ELP4: variants seen among roughly 807,000 people sequenced by gnomAD.
ELP4 encodes the protein elongator acetyltransferase complex subunit 4.
Under a neutral mutation model 48.9 loss-of-function variants are expected in ELP4, and 51 were observed. The ratio of observed to expected loss-of-function variants is 1.04; its 90% CI spans 0.83 to 1.32. ELP4 has a LOEUF of 1.32. ELP4 is among the 40% of genes most tolerant of loss of function. The pLI, the probability that ELP4 is intolerant of heterozygous loss-of-function variation, is 0.00. For synonymous variants in ELP4, 210 were observed against 189.2 expected, an observed-to-expected ratio of 1.11 and a Z score of -0.90; for missense variants, 519 against 514.6, an observed-to-expected ratio of 1.01 and a Z score of -0.08.
intron 3 of ELP4, among the ~76,000 whole-genome samples, chr11:31,566,330 C>G (rs750767216): frequency 6.6e-6 from 1 of 151,942 alleles, no homozygotes; most frequent in Non-Finnish European, 1.5e-5. Context: ...TGCACTCTAT[C>G]CTGGGCGTCA....
At position 31,666,670 on chromosome 11, in the gene ELP4, C is replaced by T. The variant is rs193269992; in HGVS notation, c.1143+16449C>T. ...TTGCGCCACTGCACTCCAGCCTGGA[C>T]GACAGAGTGAGATTCTGTCTCAAAA... On this transcript the variant is annotated intron_variant, in intron 9 of 9. Coordinates refer to ENST00000640961, the MANE Select transcript of ELP4 (RefSeq NM_019040.5). Among the ~76,000 whole-genome samples the T allele has an allele frequency of 8.9e-5, 12 of 134,386 alleles. No individual in the cohort carries two copies. The East Asian group carries it at 1.5e-3, about 17-fold the overall frequency. The allele number at this position is 134,386 out of a possible 152,430, so 88.2% of individuals were successfully genotyped here. A position where few individuals can be genotyped will look rare whatever the true frequency, so the allele number is the denominator to read the frequency against.
chr11:31,560,681 C>CACATTGTTTTATATATATATAAAACA lies in ELP4; in HGVS notation c.381+20901_381+20926dup, dbSNP rs1376715175. On this transcript the variant is annotated intron_variant, in intron 3 of 9. Coordinates refer to ENST00000640961, the MANE Select transcript of ELP4 (RefSeq NM_019040.5). ...TTTAATTATTTTCTATTATAAAGAC[C>CACATTGTTTTATATATATATAAAACA]ACATTGTTTTATATATATATAAAAC... is the stretch of plus-strand genomic sequence containing the variant. Among the ~76,000 whole-genome samples the CACATTGTTTTATATATATATAAAACA allele has an allele frequency of 1.2e-3, 71 of 58,590 alleles. 1 individual carries two copies. The highest frequency in any genetic ancestry group is 3.7e-3 in the African/African-American group (65 of 17,556). The allele number at this position is 58,590 out of a possible 152,430, so 38.4% of individuals were successfully genotyped here.
At chr11:31,677,567 A>G (rs1264713900) in intron 9 of ELP4, among the ~76,000 whole-genome samples, 1 of 152,212 alleles carries the variant, frequency 6.6e-6, no homozygotes, top group Admixed American at 6.5e-5. Flanking sequence ...TTTAGAAAAT[A>G]CTCCAAGTTT....
At chr11:31,747,422 G>GT (rs1307335420) in intron 9 of ELP4, among the ~76,000 whole-genome samples, 1 of 152,012 alleles carries the variant, frequency 6.6e-6, no homozygotes, top group Non-Finnish European at 1.5e-5. Flanking sequence ...AGAGGGGAGG[G>GT]TGGAGGGGAA....
At chr11:31,644,410 T>TTC (rs1945160858) in intron 7 of ELP4, among the ~76,000 whole-genome samples, 1 of 151,792 alleles carries the variant, frequency 6.6e-6, no homozygotes, top group African/African-American at 2.4e-5. Context: ...TAATATATAC[T>TTC]GAAGACCAAA....
chr11:31,510,031 G>A, intron 1 of ELP4, 24 bp downstream of exon 1: 1 of 1,597,262 alleles, frequency 6.3e-7, no homozygotes, highest in South Asian at 1.1e-5. Flanking sequence ...GGAGATCTGG[G>A]CTCAGCCGAG....
rs1946798563 is a variant in ELP4 at position 31,714,289 on chromosome 11, T to G, written c.1143+64068T>G. Among the ~76,000 whole-genome samples, 3 of 152,280 alleles carry G rather than the reference T, an allele frequency of 2.0e-5. No homozygotes were observed. In the South Asian group the frequency reaches 6.2e-4, roughly 32 times the overall value. ...TGTAATTAAATTATTTCCTTAGAAT[T>G]TTTTTATCATGTTCACAAACAGAAG... On this transcript the variant is annotated intron_variant, in intron 9 of 9. Transcript: ENST00000640961.
At chr11:31,565,200 C>T (rs993640675) in intron 3 of ELP4, among the ~76,000 whole-genome samples, 1 of 152,160 alleles carries the variant, frequency 6.6e-6, no homozygotes, top group Non-Finnish European at 1.5e-5. Flanking sequence ...TGTTCATATC[C>T]TTTGCCCACT....
In ELP4 at chr11:31,511,068, G is replaced by A. The variant is rs367643766; in HGVS notation, c.223+1061G>A. ...AGGTTTAGTGCAGAGAAAGTAAGAA[G>A]ACCAGCAACCTATGAGAAAGAGTAT... On this transcript the variant is annotated intron_variant, in intron 1 of 9. Transcript: ENST00000640961. The A allele has an allele frequency of 4.6e-5, 7 of 152,160 alleles. No individual in the cohort carries two copies. In the East Asian group the frequency reaches 9.6e-4, roughly 21 times the overall value. The allele number at this position is 152,160 out of a possible 1,614,324, so 9.4% of individuals were successfully genotyped here.
At chr11:31,628,466 C>CACAG (rs1325942260) in intron 6 of ELP4, 1 of 146,562 alleles carries the variant, frequency 6.8e-6, no homozygotes, top group Non-Finnish European at 1.5e-5. Flanking sequence ...CACACACACA[C>CACAG]ACAGATATAC....
intron 1 of ELP4, chr11:31,511,439 G>A (rs990158586): frequency 2.6e-5 from 4 of 152,082 alleles, no homozygotes; most frequent in Non-Finnish European, 5.9e-5. Flanking sequence ...ATAACAAAAT[G>A]TTCCTAGTGT....
At chr11:31,781,488 C>CTTTT (rs141365629) in intron 9 of ELP4, among the ~76,000 whole-genome samples, 11 of 67,434 alleles carry the variant, frequency 1.6e-4, no homozygotes, top group Admixed American at 2.3e-4. Flanking sequence ...ATTCCTGAGC[C>CTTTT]TTTTTTTTTT....
intron 9 of ELP4, among the ~76,000 whole-genome samples, chr11:31,750,665 A>T (rs1026768601): frequency 2.0e-5 from 3 of 151,918 alleles, no homozygotes; most frequent in Non-Finnish European, 4.4e-5. Context: ...TCTCCTGCCT[A>T]CCCAATTCCT....
intron 9 of ELP4, chr11:31,663,534 A>G (rs1222428968): frequency 1.3e-5 from 2 of 152,032 alleles, no homozygotes; most frequent in African/African-American, 2.4e-5. Context: ...ATACATTTCT[A>G]TATTGGGCGT....
chr11:31,552,603 CTCTCCTTCAAT>C (rs1956870624), intron 3 of ELP4, among the ~76,000 whole-genome samples: 1 of 152,112 alleles, frequency 6.6e-6, no homozygotes, highest in African/African-American at 2.4e-5. Flanking sequence ...ATCTCCTATA[CTCTCCTTCAAT>C]ATCTCAGGAA....
At chr11:31,742,740 C>T (rs568370806) in intron 9 of ELP4, among the ~76,000 whole-genome samples, 2 of 152,098 alleles carry the variant, frequency 1.3e-5, no homozygotes, top group Non-Finnish European at 2.9e-5. Context: ...TAAAAGAGCT[C>T]CTGAAGGAAG....
At chr11:31,708,077 A>G (rs1382792518) in intron 9 of ELP4, among the ~76,000 whole-genome samples, 2 of 152,090 alleles carry the variant, frequency 1.3e-5, no homozygotes, top group African/African-American at 4.8e-5. Context: ...TTTAGTTTCA[A>G]TTTTTTAAAA....
intron 3 of ELP4, chr11:31,541,422 T>G (rs1230434354): frequency 1.3e-5 from 2 of 152,190 alleles, no homozygotes; most frequent in Non-Finnish European, 2.9e-5. Flanking sequence ...TTGGCCAACT[T>G]CTGGACAGTG....
intron 9 of ELP4, among the ~76,000 whole-genome samples, chr11:31,665,428 T>G (rs978253304): frequency 1.4e-4 from 22 of 152,152 alleles, no homozygotes; most frequent in African/African-American, 5.3e-4. Flanking sequence ...ACAAATATGT[T>G]TGGTAAAACT....
Sources: allele counts gnomAD v4.1 joint callset (sites outside exome capture counted in the v4.1 genomes callset), GRCh38; gene constraint gnomAD v4.1.1; transcripts MANE v1.5; gene names NCBI Gene and HGNC (gene_info 2026-07-23, HGNC 2026-07-21).